The following TAF1B variants were observed in gnomAD, a reference collection of about 807,000 sequenced individuals.
The protein encoded by TAF1B is TATA-box binding protein associated factor, RNA polymerase I subunit B, also known as TATA box-binding protein-associated factor RNA polymerase I subunit B.
A neutral mutation model predicts 83.9 loss-of-function variants in TAF1B; 61 were observed. The ratio of observed to expected loss-of-function variants is 0.73; its 90% confidence interval spans 0.59 to 0.90. TAF1B has a LOEUF of 0.90. Among genes scored for constraint, TAF1B ranks in the 40% least tolerant of loss-of-function variants. The pLI is 0.00. For synonymous variants in TAF1B, 221 were observed against 224.6 expected, an observed-to-expected ratio of 0.98 and a Z score of 0.14; for missense variants, 625 against 677.0, an observed-to-expected ratio of 0.92 and a Z score of 0.85.
intron 14 of TAF1B, among the ~76,000 whole-genome samples, chr2:9,921,903 T>C (rs929060580): frequency 6.6e-6 from 1 of 152,234 alleles, no homozygotes; most frequent in Non-Finnish European, 1.5e-5. Context: ...TCTGTGACTT[T>C]GAAGTTACTT....
intron 2 of TAF1B, among the ~76,000 whole-genome samples, chr2:9,847,653 A>T (rs984888259): frequency 7.0e-6 from 1 of 142,358 alleles, no homozygotes; most frequent in Non-Finnish European, 1.6e-5. Flanking sequence ...CAGGAAAAAA[A>T]AATGTAAGGT....
At position 9,845,413 on chromosome 2, in the gene TAF1B, T is replaced by G. The variant is rs1222774927; in HGVS notation, c.117+95T>G. ...CTAAGTCCCAAAGAATTGGGTTGAT[T>G]TTTGTCACTCATGCAATGCCAACAT... On this transcript the variant is annotated intron_variant, in intron 2 of 14. Coordinates refer to ENST00000263663, the MANE Select transcript of TAF1B (RefSeq NM_005680.3). 11 of 983,908 alleles carry G rather than the reference T, an allele frequency of 1.1e-5. No individual in the cohort carries two copies. In the East Asian group the frequency reaches 2.9e-4, roughly 26 times the overall value. 60.9% of individuals were successfully genotyped at this position (983,908 alleles called of 1,614,324 possible).
chr2:9,897,555 C>A (rs1665053807), intron 8 of TAF1B, among the ~76,000 whole-genome samples: 4 of 152,182 alleles, frequency 2.6e-5, no homozygotes. Flanking sequence ...AGATGTAATA[C>A]TGGGTCAGCC....
chr2:9,934,021 A>G lies in TAF1B; in HGVS notation c.*37A>G, dbSNP rs1158085739. ...AGAAACTTTCTGGAAAAATATTTTA[A>G]TAGTGATAATAACATCAGATTTTAA... On this transcript the variant is annotated 3_prime_UTR_variant, in exon 15 of 15. Transcript: ENST00000263663. 4 of 1,457,198 alleles carry G rather than the reference A, an allele frequency of 2.7e-6. No individual in the cohort carries two copies. Among genetic ancestry groups the G allele is most frequent in the Non-Finnish European group, 3.7e-6 (4 of 1,071,616 alleles). The allele number at this position is 1,457,198 out of a possible 1,614,324, so 90.3% of individuals were successfully genotyped here. A position where few individuals can be genotyped will look rare whatever the true frequency, so the allele number is the denominator to read the frequency against.
At chr2:9,845,155 G>C in intron 1 of TAF1B, 65 bp from the exon 2 acceptor site, 1 of 1,206,092 alleles carries the variant, frequency 8.3e-7, no homozygotes, top group Non-Finnish European at 1.2e-6. Flanking sequence ...AGAACTGCAA[G>C]GTTTAGGTAC....
intron 14 of TAF1B, among the ~76,000 whole-genome samples, chr2:9,920,927 A>G (rs1217936215): frequency 3.9e-5 from 6 of 152,214 alleles, no homozygotes; most frequent in Non-Finnish European, 4.4e-5. Context: ...ATGTCTAAAT[A>G]GTAAGACACA....
intron 14 of TAF1B, among the ~76,000 whole-genome samples, chr2:9,925,660 C>A (rs1256805314): frequency 1.3e-5 from 2 of 151,106 alleles, no homozygotes; most frequent in African/African-American, 4.9e-5. Context: ...TGGCTCACTG[C>A]GACCTCCCTG....
At chr2:9,889,471 CATT>C (rs1231439898) in intron 8 of TAF1B, among the ~76,000 whole-genome samples, 2 of 152,102 alleles carry the variant, frequency 1.3e-5, no homozygotes, top group African/African-American at 4.8e-5. Flanking sequence ...TTTCTCTTCT[CATT>C]ATGTTCTTGT....
At chr2:9,916,601 G>T (rs1001120315) in intron 12 of TAF1B, among the ~76,000 whole-genome samples, 14 of 152,098 alleles carry the variant, frequency 9.2e-5, no homozygotes, top group African/African-American at 3.4e-4. Flanking sequence ...ACTGTTCAGG[G>T]AACTTCTTTA....
At chr2:9,883,877 C>T (rs549122895) in intron 8 of TAF1B, among the ~76,000 whole-genome samples, 1 of 152,316 alleles carries the variant, frequency 6.6e-6, no homozygotes, top group Non-Finnish European at 1.5e-5. Flanking sequence ...GGAAGGATGT[C>T]ATATTGTTGC....
chr2:9,865,518 A>C (rs1356351747), intron 5 of TAF1B, among the ~76,000 whole-genome samples: 3 of 152,216 alleles, frequency 2.0e-5, no homozygotes, highest in African/African-American at 4.8e-5. Context: ...ATACTGCCCA[A>C]GGTAATTTAT....
chr2:9,926,822 AGAG>A (rs968942758), intron 14 of TAF1B, among the ~76,000 whole-genome samples: 2 of 148,208 alleles, frequency 1.3e-5, no homozygotes, highest in African/African-American at 4.9e-5. Context: ...AAAAAAAAAA[AGAG>A]AGATTGGCAG....
rs1273555759 is a variant in TAF1B at position 9,869,310 on chromosome 2, C to T, written c.553+881C>T. ...TGCAATCTCGGCTCACTGCAACCTC[C>T]GCCTCCCAGGTTCACGTGATTCTCC... is the stretch of plus-strand genomic sequence containing the variant. On this transcript the variant is annotated intron_variant, in intron 6 of 14. Transcript: ENST00000263663. 3.3e-5 allele frequency among the ~76,000 whole-genome samples: 5 copies of T among 152,062 alleles called. No homozygotes were observed. The East Asian group carries it at 7.8e-4, about 24-fold the overall frequency.
At chr2:9,930,863 G>A (rs953427990) in intron 14 of TAF1B, among the ~76,000 whole-genome samples, 1 of 152,200 alleles carries the variant, frequency 6.6e-6, no homozygotes, top group Non-Finnish European at 1.5e-5. Context: ...TGTATTGGGT[G>A]CCTATATATT....
intron 12 of TAF1B, among the ~76,000 whole-genome samples, chr2:9,915,289 A>G (rs559106494): frequency 6.6e-6 from 1 of 152,212 alleles, no homozygotes; most frequent in South Asian, 2.1e-4. Flanking sequence ...TCTATAAAAG[A>G]AAAAAAATTG....
At chr2:9,865,175 A>G (rs140887446) in intron 5 of TAF1B, among the ~76,000 whole-genome samples, 62,433 of 151,994 alleles carry the variant, frequency 0.41, 13,507 homozygotes, top group East Asian at 0.58. Context: ...TGACATGATT[A>G]TATGTCTAGA....
intron 3 of TAF1B, among the ~76,000 whole-genome samples, chr2:9,849,744 G>T (rs746869641): frequency 6.6e-6 from 1 of 152,192 alleles, no homozygotes; most frequent in East Asian, 1.9e-4. Flanking sequence ...TTCTTGTGTT[G>T]AATTTTGAAC....
chr2:9,918,003 C>G (rs1030643745), intron 12 of TAF1B, among the ~76,000 whole-genome samples: 1 of 149,414 alleles, frequency 6.7e-6, no homozygotes, highest in African/African-American at 2.5e-5. Flanking sequence ...ACCCGGGAGG[C>G]GGAGCTTGCA....
chr2:9,846,191 G>A (rs1005926527), intron 2 of TAF1B: 1 of 459,160 alleles, frequency 2.2e-6, no homozygotes, highest in African/African-American at 2.0e-5. Flanking sequence ...TTGAATGTGA[G>A]TCTTCTGACT....
Sources: allele counts gnomAD v4.1 joint callset (sites outside exome capture counted in the v4.1 genomes callset), GRCh38; gene constraint gnomAD v4.1.1; transcripts MANE v1.5; gene names NCBI Gene and HGNC (gene_info 2026-07-23, HGNC 2026-07-21).